The following RARB variants were observed in gnomAD, a reference collection of about 807,000 sequenced individuals.
RARB encodes retinoic acid receptor beta.
RARB carries 17 observed loss-of-function variants against 51.9 expected under a neutral mutation model. That is an observed-to-expected ratio of 0.33 (90% confidence interval 0.22 to 0.49). The LOEUF is 0.49. Ranked by LOEUF, RARB falls within the 20% of genes least tolerant of loss-of-function variation. RARB has a pLI of 0.99. For missense variants in RARB, 369 were observed against 550.8 expected, an observed-to-expected ratio of 0.67 and a Z score of 3.30; for synonymous variants, 215 against 195.4, an observed-to-expected ratio of 1.10 and a Z score of -0.84.
At chr3:25,106,479 T>G (rs1699506786) in intron 3 of RARB, among the ~76,000 whole-genome samples, 1 of 139,764 alleles carries the variant, frequency 7.2e-6, no homozygotes, top group Admixed American at 7.3e-5. Flanking sequence ...TTTTGTTTTT[T>G]TTTTGTAGAG....
chr3:25,466,071 ATGG>A (rs1695416235), intron 2 of RARB, among the ~76,000 whole-genome samples: 1 of 152,182 alleles, frequency 6.6e-6, no homozygotes, highest in Non-Finnish European at 1.5e-5. Context: ...TACCTACCTC[ATGG>A]TATTGTTGTG....
chr3:25,112,232 T>G (rs951068912), intron 3 of RARB, among the ~76,000 whole-genome samples: 3 of 152,154 alleles, frequency 2.0e-5, no homozygotes, highest in Non-Finnish European at 4.4e-5. Context: ...GGCCATCCTT[T>G]CAGTCCTCAT....
chr3:24,901,921 G>A (rs1021577944), intron 2 of RARB, among the ~76,000 whole-genome samples: 1 of 151,946 alleles, frequency 6.6e-6, no homozygotes, highest in Admixed American at 6.6e-5. Flanking sequence ...AAAATCAACT[G>A]CAGTTTTTGC....
At chr3:24,961,609 G>C (rs1175486501) in intron 2 of RARB, among the ~76,000 whole-genome samples, 1 of 139,896 alleles carries the variant, frequency 7.1e-6, no homozygotes, top group Non-Finnish European at 1.6e-5. Context: ...AGCGAACCTT[G>C]CCACACTGTG....
intron 5 of RARB, among the ~76,000 whole-genome samples, chr3:25,356,458 G>GATAATTTC (rs1705737306): frequency 5.3e-5 from 8 of 152,014 alleles, no homozygotes; most frequent in East Asian, 3.9e-4. Flanking sequence ...CATGATCTTT[G>GATAATTTC]ATAATCTTTA....
At chr3:25,346,241 T>C (rs1462443408) in intron 5 of RARB, among the ~76,000 whole-genome samples, 1 of 152,178 alleles carries the variant, frequency 6.6e-6, no homozygotes, top group Admixed American at 6.5e-5. Flanking sequence ...TATTAGAGCA[T>C]CCCCAGGGTC....
chr3:25,364,298 C>T (rs1357643855), intron 5 of RARB, among the ~76,000 whole-genome samples: 1 of 152,108 alleles, frequency 6.6e-6, no homozygotes, highest in East Asian at 1.9e-4. Context: ...AGCAAGTGGA[C>T]TCATGAGGGA....
intron 2 of RARB, among the ~76,000 whole-genome samples, chr3:24,993,159 AACATG>A (rs1482552211): frequency 1.3e-5 from 2 of 152,190 alleles, no homozygotes; most frequent in African/African-American, 4.8e-5. Context: ...TACATATACA[AACATG>A]ACATGATGAT....
At chr3:25,115,308 G>T (rs938425165) in intron 3 of RARB, among the ~76,000 whole-genome samples, 12 of 152,186 alleles carry the variant, frequency 7.9e-5, no homozygotes, top group African/African-American at 2.9e-4. Flanking sequence ...TTAATTGGCA[G>T]TGTTTTCTTT....
At chr3:25,331,241 C>T (rs559708338) in intron 5 of RARB, among the ~76,000 whole-genome samples, 73 of 152,272 alleles carry the variant, frequency 4.8e-4, no homozygotes, top group Middle Eastern at 3.4e-3. Flanking sequence ...AGCACCACAT[C>T]GCACTTATTC....
In RARB at chr3:25,068,090, C is replaced by T. The variant is rs530937509; in HGVS notation, c.-328+7914C>T. ...TGGAGGTTGCAGTGAGACGAGATTG[C>T]ACCATCGCACTTCAGCCTGGGCGAC... On this transcript the variant is annotated intron_variant, in intron 3 of 11. Coordinates refer to the RARB transcript ENST00000383772. Among the ~76,000 whole-genome samples the T allele has an allele frequency of 2.7e-4, 33 of 121,796 alleles. No homozygotes were observed. The Admixed American group carries it at 3.3e-3, about 12-fold the overall frequency. 79.9% of individuals were successfully genotyped at this position (121,796 alleles called of 152,430 possible).
At chr3:25,540,003 G>C (rs1292057715) in intron 3 of RARB, among the ~76,000 whole-genome samples, 2 of 152,268 alleles carry the variant, frequency 1.3e-5, no homozygotes, top group African/African-American at 2.4e-5. Context: ...AGGTTCTGCA[G>C]GGCCGACTGC....
chr3:25,482,521 A>ATTTTTTTTTTTTTTTTTTTTTTTT (rs71087718), intron 2 of RARB, among the ~76,000 whole-genome samples: 1 of 65,752 alleles, frequency 1.5e-5, no homozygotes, highest in African/African-American at 7.0e-5. Flanking sequence ...TAGCAGCCAA[A>ATTTTTTTTTTTTTTTTTTTTTTTT]TTTTTTTTTT....
At chr3:25,019,753 G>C (rs1697588158) in intron 2 of RARB, among the ~76,000 whole-genome samples, 1 of 152,130 alleles carries the variant, frequency 6.6e-6, no homozygotes. Flanking sequence ...TGCTACTTAG[G>C]AAGATAAACA....
At chr3:25,453,340 C>T (rs557429597) in intron 1 of RARB, among the ~76,000 whole-genome samples, 7 of 149,896 alleles carry the variant, frequency 4.7e-5, no homozygotes, top group Non-Finnish European at 4.4e-5. Flanking sequence ...CTCCGCCTCC[C>T]GGGTTCAAGC....
intron 2 of RARB, among the ~76,000 whole-genome samples, chr3:25,026,083 C>T (rs1697742540): frequency 6.6e-6 from 1 of 152,056 alleles, no homozygotes; most frequent in African/African-American, 2.4e-5. Context: ...TTCATGAGTG[C>T]TCTTGCTCCC....
intron 3 of RARB, among the ~76,000 whole-genome samples, chr3:25,101,350 G>A (rs1279842926): frequency 6.6e-6 from 1 of 152,122 alleles, no homozygotes; most frequent in Admixed American, 6.5e-5. Context: ...ACATCAAAAA[G>A]TGAAAGCCTC....
At chr3:24,893,842 G>A (rs1427176017) in intron 2 of RARB, among the ~76,000 whole-genome samples, 1 of 152,048 alleles carries the variant, frequency 6.6e-6, no homozygotes, top group Non-Finnish European at 1.5e-5. Flanking sequence ...TGTTTTTATG[G>A]ATGTAATCAT....
chr3:25,286,858 T>G (rs1703669821), intron 5 of RARB, among the ~76,000 whole-genome samples: 1 of 152,228 alleles, frequency 6.6e-6, no homozygotes, highest in African/African-American at 2.4e-5. Flanking sequence ...CAGAGTACTA[T>G]CACTCTCAAC....
Sources: allele counts gnomAD v4.1 joint callset (sites outside exome capture counted in the v4.1 genomes callset), GRCh38; gene constraint gnomAD v4.1.1; transcripts MANE v1.5; gene names NCBI Gene and HGNC (gene_info 2026-07-23, HGNC 2026-07-21).